The following SPAG17 variants were observed in gnomAD, a reference collection of about 807,000 sequenced individuals.
SPAG17 encodes sperm associated antigen 17, also known as sperm-associated antigen 17.
SPAG17 carries 169 observed loss-of-function variants against 273.6 expected under a neutral mutation model. That is an observed-to-expected ratio of 0.62 (90% CI 0.55 to 0.70). The LOEUF (loss-of-function observed/expected upper bound fraction) is 0.70. Among genes scored for constraint, SPAG17 ranks in the 30% least tolerant of loss-of-function variants. The probability of loss-of-function intolerance (pLI) is 0.00; values close to 1 mark genes in which losing one functional copy is unlikely to be tolerated. For synonymous variants in SPAG17, 825 were observed against 873.2 expected, an observed-to-expected ratio of 0.94 and a Z score of 0.97; for missense variants, 2,557 against 2,627.8, an observed-to-expected ratio of 0.97 and a Z score of 0.59.
At chr1:118,006,922 A>G (rs1658957119) in intron 31 of SPAG17, among the ~76,000 whole-genome samples, 1 of 152,178 alleles carries the variant, frequency 6.6e-6, no homozygotes, top group Non-Finnish European at 1.5e-5. Context: ...AGAAATTCAA[A>G]TCCTTTGCTC....
At chr1:118,166,959 A>G (rs1184963137) in intron 1 of SPAG17, among the ~76,000 whole-genome samples, 2 of 152,044 alleles carry the variant, frequency 1.3e-5, no homozygotes, top group Admixed American at 6.5e-5. Context: ...TGTAGATATT[A>G]CTTTTTGAGG....
Position 118,099,806 on chromosome 1 carries a change from C to A in SPAG17, c.635-6G>T. 6.2e-7 allele frequency: 1 copy of A among 1,610,006 alleles called. No individual in the cohort carries two copies. The highest frequency in any genetic ancestry group is 8.5e-7 in the Non-Finnish European group (1 of 1,178,434). On this transcript the variant is annotated splice_polypyrimidine_tract_variant and splice_region_variant and intron_variant, in intron 5 of 48. Coordinates refer to ENST00000336338, the MANE Select transcript of SPAG17 (RefSeq NM_206996.4). ...ACCATCATCTGGCTCATCGTCTGTTCAAAATACCATAAAGAAGAGCAGCCA... is the reference window on the plus strand; with the variant it reads ...ACCATCATCTGGCTCATCGTCTGTTAAAAATACCATAAAGAAGAGCAGCCA...
At chr1:118,044,701 T>C (rs1399402904) in intron 20 of SPAG17, among the ~76,000 whole-genome samples, 1 of 152,028 alleles carries the variant, frequency 6.6e-6, no homozygotes, top group Non-Finnish European at 1.5e-5. Flanking sequence ...TGGGGGCAGA[T>C]TTTCCCCTTG....
intron 3 of SPAG17, among the ~76,000 whole-genome samples, chr1:118,144,466 A>C (rs945316154): frequency 6.6e-6 from 1 of 152,312 alleles, no homozygotes; most frequent in Non-Finnish European, 1.5e-5. Context: ...AGATTTTGGC[A>C]CAAGAACTCC....
chr1:118,099,894 T>C, intron 5 of SPAG17, 94 bp from the exon 6 acceptor site: 2 of 1,072,324 alleles, frequency 1.9e-6, no homozygotes, highest in Non-Finnish European at 2.7e-6. Flanking sequence ...TATGCATGCA[T>C]TTATAATCCC....
rs1653423018 is a variant in SPAG17, at chr1:118,070,016, A to G, written c.2386-3117T>C. On this transcript the variant is annotated intron_variant, in intron 17 of 48. Transcript: ENST00000336338. ...GCAGTAAGGACTGAGAAAAACTGAA[A>G]TAGTATAAAGTCTGAAGTAAACTTT... 1.3e-5 allele frequency among the ~76,000 whole-genome samples: 2 copies of G among 152,226 alleles called. 1 individual carries two copies. Among genetic ancestry groups the G allele is most frequent in the South Asian group, 4.1e-4 (2 of 4,830 alleles).
At chr1:118,112,937 T>A (rs1473146398) in intron 4 of SPAG17, among the ~76,000 whole-genome samples, 1 of 152,118 alleles carries the variant, frequency 6.6e-6, no homozygotes, top group Non-Finnish European at 1.5e-5. Context: ...TTATCTTTTT[T>A]TAAAAAGTTT....
chr1:118,005,434 G>A lies in SPAG17; in HGVS notation c.4756C>T (p.Pro1586Ser), dbSNP rs746005609. 2 of 1,606,930 alleles carry A rather than the reference G, an allele frequency of 1.2e-6. No homozygotes were observed. Among genetic ancestry groups the A allele is most frequent in the African/African-American group, 2.7e-5 (2 of 74,710 alleles). ...TTTACCTGAAAAGTGTTTCCCTCAG[G>A]ATCCAGAACCTCACAGATAACCTCT... is the stretch of plus-strand genomic sequence containing the variant. ...TSEVICEVLD[P>S]EGNTFQVMAD... Residue 1586 changes from proline to serine, a missense_variant, in exon 32 of 49, where the codon CCT (proline) becomes TCT (serine). Pro to Ser is a moderately conservative substitution (Grantham distance 74). Transcript: ENST00000336338.
intron 32 of SPAG17, 48 bp downstream of exon 32, chr1:118,005,366 C>G (rs1658770902): frequency 6.8e-7 from 1 of 1,462,020 alleles, no homozygotes; most frequent in Non-Finnish European, 9.1e-7. Flanking sequence ...TGAAATATCT[C>G]AAAAGCAAAG....
intron 3 of SPAG17, among the ~76,000 whole-genome samples, chr1:118,118,942 G>A (rs1657257405): frequency 6.6e-6 from 1 of 152,110 alleles, no homozygotes; most frequent in African/African-American, 2.4e-5. Flanking sequence ...TATACCAAAT[G>A]AGCCAAATTA....
intron 22 of SPAG17, among the ~76,000 whole-genome samples, chr1:118,039,771 A>C (rs1172582561): frequency 2.0e-5 from 3 of 152,158 alleles, no homozygotes; most frequent in Non-Finnish European, 4.4e-5. Context: ...ACCTGAATAG[A>C]TATCCCTGAA....
intron 30 of SPAG17, among the ~76,000 whole-genome samples, chr1:118,009,135 C>A (rs1377132693): frequency 6.6e-6 from 1 of 151,758 alleles, no homozygotes; most frequent in Admixed American, 6.6e-5. Flanking sequence ...TACAATTATA[C>A]AATTATGTAA....
Position 118,092,018 on chromosome 1 carries a change from T to C in SPAG17, c.1174-16A>G. On this transcript the variant is annotated splice_polypyrimidine_tract_variant and intron_variant, in intron 8 of 48. Transcript: ENST00000336338. ...GTTGTGGAGCCTAGAAAAAGAATAATTAAAAAGAAACAACTGAGATACCCA... is the reference window on the plus strand; with the variant it reads ...GTTGTGGAGCCTAGAAAAAGAATAACTAAAAAGAAACAACTGAGATACCCA... 6.2e-7 allele frequency: 1 copy of C among 1,611,604 alleles called. No individual in the cohort carries two copies. Among genetic ancestry groups the C allele is most frequent in the Non-Finnish European group, 8.5e-7 (1 of 1,177,998 alleles).
At chr1:118,093,801 TCA>T (rs1655542475) in intron 7 of SPAG17, among the ~76,000 whole-genome samples, 1 of 152,220 alleles carries the variant, frequency 6.6e-6, no homozygotes, top group Non-Finnish European at 1.5e-5. Context: ...ATGTGGGCAA[TCA>T]GTATTTCTTC....
At chr1:118,104,948 T>C (rs1020870169) in intron 4 of SPAG17, among the ~76,000 whole-genome samples, 5 of 152,140 alleles carry the variant, frequency 3.3e-5, no homozygotes, top group African/African-American at 1.2e-4. Context: ...GATGTTATGC[T>C]TGCAGGCTGA....
chr1:118,137,039 T>C (rs1413904043), intron 3 of SPAG17, among the ~76,000 whole-genome samples: 1 of 152,188 alleles, frequency 6.6e-6, no homozygotes, highest in African/African-American at 2.4e-5. Flanking sequence ...AAATGTAATA[T>C]ATTAGGCCTT....
At chr1:118,045,947 T>A (rs1650301775) in intron 20 of SPAG17, among the ~76,000 whole-genome samples, 1 of 152,160 alleles carries the variant, frequency 6.6e-6, no homozygotes, top group Non-Finnish European at 1.5e-5. Flanking sequence ...GTAAAAGAAC[T>A]TCTAGAGCAA....
chr1:118,099,707 GGAATGCC>G lies in SPAG17; in HGVS notation c.721_727del (p.Gly241LeufsTer2), dbSNP rs1233912606. The G allele has an allele frequency of 6.2e-7, 1 of 1,613,822 alleles. No individual in the cohort carries two copies. Among genetic ancestry groups the G allele is most frequent in the Non-Finnish European group, 8.5e-7 (1 of 1,179,926 alleles). On this transcript the variant is annotated frameshift_variant, in exon 6 of 49. Transcript: ENST00000336338. LOFTEE classifies it high-confidence loss of function. ...AGATATTTTAATCACGCTGGTTATA[GGAATGCC>G]AAGCTCAGCCATAATTGCTAATAGC...
intron 37 of SPAG17, 52 bp from the exon 38 acceptor site, chr1:117,990,958 C>G (rs766014015): frequency 9.1e-7 from 1 of 1,094,950 alleles, no homozygotes; most frequent in South Asian, 1.8e-5. Flanking sequence ...ACAAGACTTA[C>G]TTTGTTTAGA....
Sources: gnomAD v4.1 joint callset for allele counts (sites outside exome capture counted in the v4.1 genomes callset) on GRCh38, gnomAD v4.1.1 for gene constraint, MANE v1.5 for transcripts, NCBI Gene and HGNC (gene_info 2026-07-23, HGNC 2026-07-21) for gene names.